Variants in THSD7B observed in about 807,000 individuals in gnomAD.
The protein encoded by THSD7B is thrombospondin type-1 domain-containing protein 7B.
Under a neutral mutation model 213.6 loss-of-function variants are expected in THSD7B, and 138 were observed. That is an observed-to-expected ratio of 0.65 (90% CI 0.56 to 0.74). The LOEUF is 0.74. THSD7B is among the 30% of genes least tolerant of loss of function. THSD7B has a pLI of 0.00. For missense variants in THSD7B, 1,931 were observed against 1,991.5 expected (o/e 0.97, Z 0.58); for synonymous variants, 742 against 687.0 (o/e 1.08, Z -1.25).
At chr2:137,163,841 G>A (rs1180054898) in intron 6 of THSD7B, among the ~76,000 whole-genome samples, 1 of 152,186 alleles carries the variant, frequency 6.6e-6, no homozygotes, top group Non-Finnish European at 1.5e-5. Flanking sequence ...AAGGTAATTT[G>A]TCTAAAGTCC....
intron 9 of THSD7B, 151 bp from the exon 10 acceptor site, chr2:137,242,306 G>T: frequency 1.7e-6 from 1 of 577,098 alleles, no homozygotes; most frequent in Non-Finnish European, 3.0e-6. Context: ...TGAGCGCTTG[G>T]GCAAGTAGCT....
intron 12 of THSD7B, among the ~76,000 whole-genome samples, chr2:137,342,008 T>C (rs921495718): frequency 5.9e-5 from 9 of 151,634 alleles, no homozygotes; most frequent in African/African-American, 2.2e-4. Flanking sequence ...ATTTTAGGGT[T>C]TTTTTCTATG....
rs1688013083 is a variant in THSD7B at position 137,094,943 on chromosome 2, C to A, written c.1021C>A (p.Gln341Lys). The change falls in exon 4 of 28, where the codon CAG becomes AAG. Residue 341 changes from glutamine to lysine, a missense_variant. Physicochemically the swap from Gln to Lys is moderately conservative, Grantham distance 53. Coordinates refer to ENST00000409968, the MANE Select transcript of THSD7B (RefSeq NM_001316349.2). ...CIMPKDCETS[Q>K]WSSWSPCSKT... The stretch of plus-strand genomic sequence containing the variant: ...CATGCCCAAAGACTGTGAAACCTCC[C>A]AGTGGTCCTCCTGGAGCCCCTGCTC... 1.2e-6 allele frequency: 2 copies of A among 1,613,852 alleles called. No individual in the cohort carries two copies. The highest frequency in any genetic ancestry group is 1.3e-5 in the African/African-American group (1 of 75,008).
chr2:137,492,601 T>C (rs1195482893), intron 15 of THSD7B, among the ~76,000 whole-genome samples: 1 of 152,200 alleles, frequency 6.6e-6, no homozygotes, highest in Non-Finnish European at 1.5e-5. Flanking sequence ...GCTTGAGCTT[T>C]AGAATCAAGA....
rs190350853 is a variant in THSD7B, at chr2:137,094,284, A to G, written c.951-589A>G. 1.6e-3 allele frequency among the ~76,000 whole-genome samples: 242 copies of G among 152,342 alleles called. 1 individual carries two copies. The highest frequency in any genetic ancestry group is 3.1e-3 in the Non-Finnish European group (210 of 68,038). ...CTAACACCATGGGTGAAAGCAGTCT[A>G]GAAGGGCTGGGCGCGATGGCTCATG... On this transcript the variant is annotated intron_variant, in intron 3 of 27. Transcript: ENST00000409968.
chr2:136,950,800 T>C (rs530679094), intron 2 of THSD7B, among the ~76,000 whole-genome samples: 1 of 152,322 alleles, frequency 6.6e-6, no homozygotes, highest in South Asian at 2.1e-4. Flanking sequence ...TTTTTACATT[T>C]CGTTTCAGGG....
intron 12 of THSD7B, among the ~76,000 whole-genome samples, chr2:137,345,376 A>G (rs1439991007): frequency 6.6e-6 from 1 of 151,788 alleles, no homozygotes; most frequent in Admixed American, 6.6e-5. Flanking sequence ...AAGGAAAAAA[A>G]TAATTTATAA....
chr2:137,490,567 TC>T (rs1337328650), intron 15 of THSD7B, among the ~76,000 whole-genome samples: 1 of 152,174 alleles, frequency 6.6e-6, no homozygotes, highest in African/African-American at 2.4e-5. Flanking sequence ...ACTGTCAACA[TC>T]CCCCATCAGA....
At chr2:137,406,547 T>C (rs569269768) in intron 13 of THSD7B, among the ~76,000 whole-genome samples, 1 of 152,296 alleles carries the variant, frequency 6.6e-6, no homozygotes, top group Admixed American at 6.5e-5. Context: ...GATAATGAAA[T>C]TGGTGTTGAC....
At chr2:137,058,330 T>G (rs1444056309) in intron 3 of THSD7B, among the ~76,000 whole-genome samples, 3 of 152,226 alleles carry the variant, frequency 2.0e-5, no homozygotes, top group Non-Finnish European at 4.4e-5. Flanking sequence ...TCATGCAATT[T>G]GTTTGAATGT....
intron 1 of THSD7B, among the ~76,000 whole-genome samples, chr2:136,787,268 A>AT (rs1291595876): frequency 6.6e-6 from 1 of 151,900 alleles, no homozygotes; most frequent in Non-Finnish European, 1.5e-5. Flanking sequence ...CAGTTGGAAT[A>AT]TTTTTTTCTT....
At chr2:137,094,126 C>A (rs1687998057) in intron 3 of THSD7B, among the ~76,000 whole-genome samples, 2 of 152,110 alleles carry the variant, frequency 1.3e-5, no homozygotes, top group South Asian at 4.2e-4. Context: ...CCTTTCTGAG[C>A]CTAAATTTCT....
At chr2:137,113,069 C>T (rs1688378549) in intron 4 of THSD7B, among the ~76,000 whole-genome samples, 1 of 152,158 alleles carries the variant, frequency 6.6e-6, no homozygotes. Flanking sequence ...TCATAGAAGT[C>T]TCTGAGTCAG....
chr2:137,571,427 T>C (rs768233948), intron 16 of THSD7B, among the ~76,000 whole-genome samples: 8 of 152,200 alleles, frequency 5.3e-5, no homozygotes, highest in Non-Finnish European at 1.0e-4. Context: ...TTGGTACACA[T>C]TTATATGCAT....
At chr2:137,147,479 G>T (rs1679725713) in intron 5 of THSD7B, among the ~76,000 whole-genome samples, 1 of 149,012 alleles carries the variant, frequency 6.7e-6, no homozygotes, top group Non-Finnish European at 1.5e-5. Flanking sequence ...AAAAAAAAAA[G>T]GCACATATTT....
intron 15 of THSD7B, among the ~76,000 whole-genome samples, chr2:137,475,495 C>T (rs1688174152): frequency 6.6e-6 from 1 of 152,134 alleles, no homozygotes; most frequent in Admixed American, 6.5e-5. Context: ...TCTCCAGACC[C>T]TTCTCAGCCT....
intron 4 of THSD7B, among the ~76,000 whole-genome samples, chr2:137,104,705 A>G (rs1386923388): frequency 6.6e-6 from 1 of 152,170 alleles, no homozygotes; most frequent in African/African-American, 2.4e-5. Context: ...AATAGACATA[A>G]TAAAAAATGA....
At chr2:137,073,089 G>A (rs200182355) in intron 3 of THSD7B, among the ~76,000 whole-genome samples, 5 of 151,398 alleles carry the variant, frequency 3.3e-5, no homozygotes, top group Admixed American at 2.6e-4. Flanking sequence ...TCTCTGCCAT[G>A]CTTTGGTATC....
At chr2:136,869,584 C>T (rs535461755) in intron 1 of THSD7B, among the ~76,000 whole-genome samples, 1 of 152,210 alleles carries the variant, frequency 6.6e-6, no homozygotes, top group Non-Finnish European at 1.5e-5. Flanking sequence ...GTAAAACGGT[C>T]CTACCATAAG....
Sources: gnomAD v4.1 joint callset for allele counts (sites outside exome capture counted in the v4.1 genomes callset) on GRCh38, gnomAD v4.1.1 for gene constraint, MANE v1.5 for transcripts, NCBI Gene and HGNC (gene_info 2026-07-23, HGNC 2026-07-21) for gene names.